Variants in FAM240B observed in about 807,000 individuals in gnomAD.
FAM240B encodes the protein family with sequence similarity 240 member B.
At chr9:38,707,244 CA>C (rs938791526) in intron 1 of FAM240B, among the ~76,000 whole-genome samples, 16 of 152,144 alleles carry the variant, frequency 1.1e-4, no homozygotes, top group African/African-American at 3.9e-4. Context: ...TGATAATGAA[CA>C]TTTTATTCTA....
At chr9:38,714,862 G>T (rs1316894217) in intron 1 of FAM240B, among the ~76,000 whole-genome samples, 1 of 152,186 alleles carries the variant, frequency 6.6e-6, no homozygotes, top group Non-Finnish European at 1.5e-5. Context: ...TGGCATCCTG[G>T]ATTGAATCCT....
At chr9:38,701,542 G>A (rs1051139579) in intron 2 of FAM240B, among the ~76,000 whole-genome samples, 13 of 152,142 alleles carry the variant, frequency 8.5e-5, no homozygotes, top group African/African-American at 1.7e-4. Flanking sequence ...ATTGATAAGC[G>A]TGATGGCTCT....
At chr9:38,697,526 C>T (rs1587588269) in intron 2 of FAM240B, among the ~76,000 whole-genome samples, 2 of 152,096 alleles carry the variant, frequency 1.3e-5, no homozygotes, top group Admixed American at 1.3e-4. Context: ...GGTGTGCTGA[C>T]GCTGGCTCAT....
intron 1 of FAM240B, among the ~76,000 whole-genome samples, chr9:38,710,496 T>G (rs989516548): frequency 1.3e-5 from 2 of 152,232 alleles, no homozygotes; most frequent in African/African-American, 4.8e-5. Context: ...CTCCCACCTC[T>G]AAAAATCAGG....
intron 1 of FAM240B, among the ~76,000 whole-genome samples, chr9:38,713,404 G>C (rs1270249499): frequency 2.0e-5 from 3 of 150,266 alleles, no homozygotes; most frequent in African/African-American, 4.9e-5. Flanking sequence ...CGTGAACCTG[G>C]GAGGGAGAGC....
intron 1 of FAM240B, among the ~76,000 whole-genome samples, chr9:38,713,606 T>C (rs1250811738): frequency 6.6e-6 from 1 of 152,106 alleles, no homozygotes; most frequent in Non-Finnish European, 1.5e-5. Flanking sequence ...ATTACAGGAT[T>C]GCATCAGTGT....
chr9:38,719,605 T>G (rs1417911114), intron 1 of FAM240B, among the ~76,000 whole-genome samples: 1 of 152,144 alleles, frequency 6.6e-6, no homozygotes, highest in Non-Finnish European at 1.5e-5. Flanking sequence ...AATTCATGAT[T>G]AATCACCCCA....
In FAM240B at chr9:38,717,502, A is replaced by G. The variant is rs548435544; in HGVS notation, c.-4+2520T>C. Among the ~76,000 whole-genome samples the G allele has an allele frequency of 3.3e-5, 5 of 152,200 alleles. No individual in the cohort carries two copies. The South Asian group carries it at 1.0e-3, about 32-fold the overall frequency. ...GGTGTTTGTTTGTTTGTTTTTTGAG[A>G]AGGAGTCTCGCTCTGTTGCCCAGGC... On this transcript the variant is annotated intron_variant, in intron 1 of 2. Transcript: ENST00000637493.
intron 1 of FAM240B, among the ~76,000 whole-genome samples, chr9:38,717,969 G>A (rs1821328302): frequency 6.6e-6 from 1 of 152,176 alleles, no homozygotes; most frequent in Non-Finnish European, 1.5e-5. Flanking sequence ...CACTGTTAAT[G>A]ATGTCATATT....
intron 2 of FAM240B, among the ~76,000 whole-genome samples, chr9:38,702,639 C>T (rs1363085296): frequency 1.3e-5 from 2 of 152,186 alleles, no homozygotes; most frequent in Admixed American, 6.5e-5. Context: ...ACATATGACA[C>T]GTCTTCCCAC....
intron 1 of FAM240B, among the ~76,000 whole-genome samples, chr9:38,715,745 T>G (rs1183821415): frequency 1.3e-5 from 2 of 152,262 alleles, no homozygotes; most frequent in Non-Finnish European, 2.9e-5. Context: ...GGACTTGGCC[T>G]TTGGGTCACT....
At chr9:38,718,506 A>G (rs974541640) in intron 1 of FAM240B, among the ~76,000 whole-genome samples, 1 of 152,192 alleles carries the variant, frequency 6.6e-6, no homozygotes, top group Non-Finnish European at 1.5e-5. Flanking sequence ...TCAGGAGAAC[A>G]TATCTGAATG....
intron 1 of FAM240B, among the ~76,000 whole-genome samples, chr9:38,719,720 A>G (rs2119018876): frequency 6.6e-6 from 1 of 152,362 alleles, no homozygotes; most frequent in Non-Finnish European, 1.5e-5. Flanking sequence ...TATTTTGGTT[A>G]ATCTCCAAAA....
intron 2 of FAM240B, among the ~76,000 whole-genome samples, chr9:38,702,298 C>G (rs62539025): frequency 0.055 from 8,375 of 152,274 alleles, 320 homozygotes; most frequent in Non-Finnish European, 0.086. Flanking sequence ...CTCTTCTCTG[C>G]TTATGGAAGA....
intron 1 of FAM240B, among the ~76,000 whole-genome samples, chr9:38,707,931 G>A (rs1012401070): frequency 1.3e-5 from 2 of 152,088 alleles, no homozygotes; most frequent in Non-Finnish European, 2.9e-5. Context: ...AGTAGCTTGA[G>A]AGTAGTGGGC....
At chr9:38,708,742 T>G (rs773587957) in intron 1 of FAM240B, among the ~76,000 whole-genome samples, 3 of 152,160 alleles carry the variant, frequency 2.0e-5, no homozygotes, top group Non-Finnish European at 2.9e-5. Context: ...CATCTCCTGA[T>G]CCCTGGCAAG....
At chr9:38,706,907 T>C (rs1029600093) in intron 1 of FAM240B, among the ~76,000 whole-genome samples, 1 of 152,204 alleles carries the variant, frequency 6.6e-6, no homozygotes, top group Admixed American at 6.5e-5. Context: ...AACCAGGGTG[T>C]GGAATGCATG....
At chr9:38,712,467 C>A (rs938102681) in intron 1 of FAM240B, among the ~76,000 whole-genome samples, 9 of 152,218 alleles carry the variant, frequency 5.9e-5, no homozygotes, top group Admixed American at 4.6e-4. Flanking sequence ...GCATTGCAGA[C>A]AGTACCAAAT....
intron 1 of FAM240B, among the ~76,000 whole-genome samples, chr9:38,707,542 G>A (rs904523047): frequency 2.0e-5 from 3 of 151,380 alleles, no homozygotes; most frequent in Admixed American, 2.0e-4. Context: ...GCCAAGGCAG[G>A]CGGATCACGA....
Sources: gnomAD v4.1 joint callset for allele counts (sites outside exome capture counted in the v4.1 genomes callset) on GRCh38, gnomAD v4.1.1 for gene constraint, MANE v1.5 for transcripts, NCBI Gene and HGNC (gene_info 2026-07-23, HGNC 2026-07-21) for gene names.